CLASP1: variants seen among roughly 807,000 people sequenced by gnomAD.
The protein encoded by CLASP1 is CLIP-associating protein 1.
A neutral mutation model predicts 192.3 loss-of-function variants in CLASP1; 38 were observed. The observed-to-expected ratio is 0.20, with a 90% confidence interval of 0.15 to 0.26. CLASP1 has a LOEUF of 0.26. Among genes scored for constraint, CLASP1 ranks in the 10% least tolerant of loss-of-function variants. The pLI is 1.00. For missense variants in CLASP1, 1,433 were observed against 1,932.5 expected (o/e 0.74, Z 4.85); for synonymous variants, 691 against 712.8 (o/e 0.97, Z 0.49).
chr2:121,359,093 C>T (rs905725733), intron 37 of CLASP1, among the ~76,000 whole-genome samples: 6 of 152,212 alleles, frequency 3.9e-5, no homozygotes, highest in Admixed American at 2.6e-4. Flanking sequence ...ATATGCACAT[C>T]ACACTGACTG....
At chr2:121,625,280 G>A (rs1004952466) in intron 1 of CLASP1, among the ~76,000 whole-genome samples, 7 of 152,076 alleles carry the variant, frequency 4.6e-5, no homozygotes, top group African/African-American at 1.7e-4. Context: ...AGTATTCCAT[G>A]TGCATGTACA....
At chr2:121,551,529 A>G (rs2058042786) in intron 2 of CLASP1, among the ~76,000 whole-genome samples, 1 of 152,246 alleles carries the variant, frequency 6.6e-6, no homozygotes, top group African/African-American at 2.4e-5. Context: ...ATATACAAAA[A>G]TCACTAGCAT....
intron 14 of CLASP1, 112 bp downstream of exon 14, chr2:121,457,575 T>C (rs2086970924): frequency 1.3e-6 from 1 of 772,974 alleles, no homozygotes; most frequent in African/African-American, 1.7e-5. Flanking sequence ...TGCAGTGATT[T>C]TAAGTAATAC....
chr2:121,517,819 CCACCACA>C (rs200539484), intron 6 of CLASP1, among the ~76,000 whole-genome samples: 5,660 of 143,978 alleles, frequency 0.039, 145 homozygotes, highest in Middle Eastern at 0.099. Context: ...TATAATCCTA[CCACCACA>C]CTCTAGCCTC....
intron 2 of CLASP1, among the ~76,000 whole-genome samples, chr2:121,531,331 C>G (rs1471670475): frequency 2.0e-5 from 3 of 152,152 alleles, no homozygotes; most frequent in Non-Finnish European, 4.4e-5. Flanking sequence ...CGCGGTGGCT[C>G]ACGCCTGCAA....
intron 7 of CLASP1, among the ~76,000 whole-genome samples, chr2:121,508,927 G>A (rs568926307): frequency 8.5e-5 from 13 of 152,206 alleles, no homozygotes; most frequent in African/African-American, 1.2e-4. Flanking sequence ...AAGAGTCAGT[G>A]CTCAGGGGAT....
At chr2:121,348,002 C>T (rs1243856781) in intron 38 of CLASP1, among the ~76,000 whole-genome samples, 2 of 139,366 alleles carry the variant, frequency 1.4e-5, no homozygotes, top group Non-Finnish European at 3.0e-5. Flanking sequence ...CATGGTGACA[C>T]CTGTCATTGT....
chr2:121,342,002 CAAT>C (rs1326612397), intron 39 of CLASP1, among the ~76,000 whole-genome samples: 1 of 149,566 alleles, frequency 6.7e-6, no homozygotes, highest in Non-Finnish European at 1.5e-5. Context: ...TGAAATAAAT[CAAT>C]AATAGAAGGA....
chr2:121,465,071 T>C lies in CLASP1; in HGVS notation c.866-2466A>G, dbSNP rs2089239908. On this transcript the variant is annotated intron_variant, in intron 9 of 39. Coordinates refer to ENST00000263710, the Ensembl canonical transcript of CLASP1. ...AACCCACAGCCAATATCATGCTGAA[T>C]GGGCAAAAACTGGAAGCATTCCCTT... Among the ~76,000 whole-genome samples, 6 of 152,320 alleles carry C rather than the reference T, an allele frequency of 3.9e-5. No homozygotes were observed. In the South Asian group the frequency reaches 1.2e-3, roughly 32 times the overall value.
intron 8 of CLASP1, among the ~76,000 whole-genome samples, chr2:121,500,913 G>A (rs574920142): frequency 4.6e-5 from 7 of 152,258 alleles, no homozygotes; most frequent in African/African-American, 1.2e-4. Flanking sequence ...ACCTATGTGT[G>A]TGCACGTGCA....
chr2:121,543,863 G>A (rs1289086161), intron 2 of CLASP1, among the ~76,000 whole-genome samples: 1 of 152,120 alleles, frequency 6.6e-6, no homozygotes, highest in Non-Finnish European at 1.5e-5. Context: ...AAAAAGTAGG[G>A]GGTGGATAGG....
chr2:121,590,953 C>G (rs1205396943), intron 2 of CLASP1, among the ~76,000 whole-genome samples: 5 of 151,332 alleles, frequency 3.3e-5, no homozygotes, highest in Admixed American at 3.3e-4. Flanking sequence ...CTGCAACCTC[C>G]GCCTCCCGGG....
chr2:121,354,802 A>T (rs1334729520), intron 37 of CLASP1, among the ~76,000 whole-genome samples: 1 of 152,012 alleles, frequency 6.6e-6, no homozygotes, highest in Non-Finnish European at 1.5e-5. Flanking sequence ...GGGTGGAAAG[A>T]ACACGGCTCT....
chr2:121,502,752 G>T (rs540714073), intron 8 of CLASP1, among the ~76,000 whole-genome samples: 2 of 152,256 alleles, frequency 1.3e-5, no homozygotes, highest in South Asian at 2.1e-4. Context: ...AACACCACCC[G>T]ACTTGTATTC....
intron 19 of CLASP1, among the ~76,000 whole-genome samples, chr2:121,435,567 C>T (rs1333780726): frequency 6.6e-6 from 1 of 152,230 alleles, no homozygotes; most frequent in Non-Finnish European, 1.5e-5. Flanking sequence ...AGCCACCATG[C>T]CCGCCCTATT....
chr2:121,409,333 T>G (rs1252436361), intron 24 of CLASP1, among the ~76,000 whole-genome samples: 1 of 152,216 alleles, frequency 6.6e-6, no homozygotes, highest in African/African-American at 2.4e-5. Context: ...AGGTCACCAT[T>G]AATTCTACTA....
chr2:121,521,135 G>T (rs1435480132), intron 6 of CLASP1, among the ~76,000 whole-genome samples: 1 of 151,848 alleles, frequency 6.6e-6, no homozygotes, highest in East Asian at 1.9e-4. Context: ...TGTTTTTGAA[G>T]AAAAAAAGTC....
At chr2:121,601,255 G>A (rs144870738) in intron 2 of CLASP1, among the ~76,000 whole-genome samples, 1 of 151,710 alleles carries the variant, frequency 6.6e-6, no homozygotes, top group African/African-American at 2.4e-5. Context: ...CTGACTGAAT[G>A]AGGAAAAGCG....
chr2:121,554,454 TAAAAAAAA>T (rs56965310), intron 2 of CLASP1, among the ~76,000 whole-genome samples: 3 of 87,562 alleles, frequency 3.4e-5, no homozygotes, highest in African/African-American at 4.4e-5. Context: ...CTACAAAAAG[TAAAAAAAA>T]AAAAAAAAAA....
Sources: allele counts gnomAD v4.1 joint callset (sites outside exome capture counted in the v4.1 genomes callset), GRCh38; gene constraint gnomAD v4.1.1; transcripts MANE v1.5; gene names NCBI Gene and HGNC (gene_info 2026-07-23, HGNC 2026-07-21).